The following PUM3 variants were observed in gnomAD, a reference collection of about 807,000 sequenced individuals.
PUM3 encodes the protein pumilio RNA binding family member 3.
Under a neutral mutation model 84.0 loss-of-function variants are expected in PUM3, and 91 were observed. That is an observed-to-expected ratio of 1.08 (90% confidence interval 0.91 to 1.29). The LOEUF (loss-of-function observed/expected upper bound fraction) is 1.29, where lower values mean the gene tolerates loss of function less well. PUM3 is among the 50% of genes most tolerant of loss of function. The probability of loss-of-function intolerance (pLI) is 0.00; values close to 1 mark genes in which losing one functional copy is unlikely to be tolerated. For synonymous variants in PUM3, 321 were observed against 266.7 expected (o/e 1.20, Z -1.98); for missense variants, 1,067 against 767.5 (o/e 1.39, Z -4.61).
intron 9 of PUM3, chr9:2,828,448 CA>C (rs1278691207): frequency 4.6e-6 from 2 of 430,676 alleles, no homozygotes; most frequent in African/African-American, 4.1e-5. Context: ...TAAAAAAGCT[CA>C]TAAATCACGA....
chr9:2,842,946 T>G (rs1253295251), intron 1 of PUM3, among the ~76,000 whole-genome samples: 3 of 152,178 alleles, frequency 2.0e-5, no homozygotes, highest in African/African-American at 7.2e-5. Context: ...CCTTGACATT[T>G]TCCTCTCTAC....
At chr9:2,838,581 T>C (rs962199256) in intron 1 of PUM3, 64 bp from the exon 2 acceptor site, 2 of 952,978 alleles carry the variant, frequency 2.1e-6, no homozygotes, top group Non-Finnish European at 3.4e-6. Context: ...TAAGAGCTGT[T>C]TCATAGTCAT....
intron 3 of PUM3, among the ~76,000 whole-genome samples, chr9:2,834,845 T>G (rs1432199603): frequency 6.6e-6 from 1 of 151,368 alleles, no homozygotes; most frequent in East Asian, 1.9e-4. Context: ...CTATCACCAC[T>G]TTTTTGTCTT....
intron 4 of PUM3, among the ~76,000 whole-genome samples, chr9:2,833,656 C>T (rs1176988273): frequency 2.6e-5 from 4 of 151,038 alleles, no homozygotes; most frequent in African/African-American, 9.7e-5. Flanking sequence ...GGTATCAATC[C>T]AAATCTTAAC....
chr9:2,839,758 C>T (rs923984391), intron 1 of PUM3, among the ~76,000 whole-genome samples: 5 of 152,328 alleles, frequency 3.3e-5, no homozygotes, highest in African/African-American at 9.6e-5. Flanking sequence ...ATAACCATAC[C>T]TGCATCTCTC....
chr9:2,824,705 T>A lies in PUM3; in HGVS notation c.1134+12A>T, dbSNP rs1465856313. ...TTGTACAGTTTAAATGCCCAAGTGC[T>A]GTCACACTTACCTTGGGCGTGCCAT... On this transcript the variant is annotated intron_variant, in intron 11 of 17. Coordinates refer to ENST00000397885, the MANE Select transcript of PUM3 (RefSeq NM_014878.5). 6.6e-7 allele frequency: 1 copy of A among 1,504,650 alleles called. No individual in the cohort carries two copies. 93.2% of individuals were successfully genotyped at this position (1,504,650 alleles called of 1,614,324 possible). A position where few individuals can be genotyped will look rare whatever the true frequency, so the allele number is the denominator to read the frequency against.
chr9:2,821,395 G>A (rs1030614222), intron 12 of PUM3, among the ~76,000 whole-genome samples: 11 of 138,700 alleles, frequency 7.9e-5, no homozygotes, highest in African/African-American at 3.0e-4. Flanking sequence ...AGTGAGCCCA[G>A]ATCGCGCCAC....
At chr9:2,816,024 A>C (rs10968326) in intron 13 of PUM3, among the ~76,000 whole-genome samples, 1 of 152,114 alleles carries the variant, frequency 6.6e-6, no homozygotes, top group Non-Finnish European at 1.5e-5. Flanking sequence ...GAAGGGTAAA[A>C]GTCAAAATAA....
chr9:2,835,026 A>T (rs1816084931), intron 3 of PUM3, among the ~76,000 whole-genome samples: 1 of 151,358 alleles, frequency 6.6e-6, no homozygotes, highest in South Asian at 2.1e-4. Flanking sequence ...AAAAAAAAAA[A>T]AAGAAAAGAA....
chr9:2,834,791 T>C (rs542486349), intron 3 of PUM3, among the ~76,000 whole-genome samples: 84 of 151,836 alleles, frequency 5.5e-4, no homozygotes, highest in Non-Finnish European at 7.5e-4. Context: ...AACCAAAATT[T>C]CCAAGTTCGC....
intron 9 of PUM3, among the ~76,000 whole-genome samples, chr9:2,828,148 T>A (rs1198420105): frequency 1.3e-5 from 2 of 152,172 alleles, no homozygotes; most frequent in Admixed American, 1.3e-4. Flanking sequence ...CCAGTGAGCC[T>A]CCTGCCTCTC....
intron 10 of PUM3, 22 bp from the exon 11 acceptor site, chr9:2,824,837 G>T: frequency 6.8e-7 from 1 of 1,464,354 alleles, no homozygotes; most frequent in Admixed American, 2.0e-5. Flanking sequence ...ATGCTGTCAG[G>T]AACAGGGCTC....
intron 3 of PUM3, among the ~76,000 whole-genome samples, chr9:2,834,577 A>T (rs1007285551): frequency 6.6e-6 from 1 of 152,204 alleles, no homozygotes; most frequent in South Asian, 2.1e-4. Flanking sequence ...TCGAAAATTC[A>T]CTGTTCTGAG....
At chr9:2,831,410 T>G in intron 5 of PUM3, 66 bp from the exon 6 acceptor site, 1 of 986,836 alleles carries the variant, frequency 1.0e-6, no homozygotes, top group Non-Finnish European at 1.6e-6. Context: ...TAATTTATTG[T>G]GACCTCTTCT....
At chr9:2,819,007 G>C (rs576235467) in intron 13 of PUM3, among the ~76,000 whole-genome samples, 1 of 152,132 alleles carries the variant, frequency 6.6e-6, no homozygotes, top group Non-Finnish European at 1.5e-5. Flanking sequence ...AGTACCACAT[G>C]TCATCACTAA....
chr9:2,831,727 T>G (rs1403134655), intron 5 of PUM3, among the ~76,000 whole-genome samples: 1 of 152,224 alleles, frequency 6.6e-6, no homozygotes, highest in African/African-American at 2.4e-5. Flanking sequence ...TACTGTATGA[T>G]TTTTATATAA....
intron 5 of PUM3, among the ~76,000 whole-genome samples, chr9:2,832,597 G>C (rs1020667196): frequency 2.0e-5 from 3 of 152,156 alleles, no homozygotes; most frequent in Non-Finnish European, 4.4e-5. Context: ...TGTGACCTCA[G>C]GGTAGTTGAG....
intron 13 of PUM3, among the ~76,000 whole-genome samples, chr9:2,815,972 G>A (rs951530935): frequency 1.3e-5 from 2 of 152,204 alleles, no homozygotes; most frequent in Admixed American, 6.5e-5. Flanking sequence ...ACTCCAGCTA[G>A]ATACCTTGGC....
intron 13 of PUM3, among the ~76,000 whole-genome samples, chr9:2,819,381 A>G (rs965316841): frequency 4.6e-5 from 7 of 152,206 alleles, no homozygotes; most frequent in African/African-American, 1.7e-4. Context: ...AAGTATTACC[A>G]CTTTATGGCC....
Sources: gnomAD v4.1 joint callset for allele counts (sites outside exome capture counted in the v4.1 genomes callset) on GRCh38, gnomAD v4.1.1 for gene constraint, MANE v1.5 for transcripts, NCBI Gene and HGNC (gene_info 2026-07-23, HGNC 2026-07-21) for gene names.